Variants in COL23A1 observed in about 807,000 individuals in gnomAD.
COL23A1 encodes the protein collagen type XXIII alpha 1 chain.
In COL23A1, 97 loss-of-function variants were observed where a neutral mutation model predicts 99.3. That is an observed-to-expected ratio of 0.98 (90% confidence interval 0.83 to 1.16). COL23A1 has a LOEUF of 1.16. Among genes scored for constraint, COL23A1 ranks in the 50% most tolerant of loss-of-function variants. The pLI is 0.00. For missense variants in COL23A1, 762 were observed against 757.4 expected (o/e 1.01, Z -0.07); for synonymous variants, 320 against 308.2 (o/e 1.04, Z -0.40).
chr5:178,546,138 C>A (rs931640118), intron 2 of COL23A1, among the ~76,000 whole-genome samples: 2 of 152,056 alleles, frequency 1.3e-5, no homozygotes, highest in African/African-American at 4.8e-5. Flanking sequence ...AGGGTCCCCA[C>A]CTGGCCAGTA....
At chr5:178,268,699 C>T in intron 7 of COL23A1, 31 bp downstream of exon 7, 2 of 1,591,352 alleles carry the variant, frequency 1.3e-6, no homozygotes, top group Non-Finnish European at 1.7e-6. Context: ...CGCCTGCCTA[C>T]CACATCTGCA....
chr5:178,300,247 T>A (rs1757960067), intron 3 of COL23A1, among the ~76,000 whole-genome samples: 2 of 151,118 alleles, frequency 1.3e-5, no homozygotes, highest in Non-Finnish European at 2.9e-5. Context: ...TTTTTTGTAT[T>A]TTTTTTTTTC....
At chr5:178,289,637 C>T (rs1179527027) in intron 4 of COL23A1, among the ~76,000 whole-genome samples, 1 of 152,216 alleles carries the variant, frequency 6.6e-6, no homozygotes, top group Non-Finnish European at 1.5e-5. Flanking sequence ...AACTGCCCGA[C>T]TCTACAGCTC....
chr5:178,575,726 A>G (rs180871104), intron 1 of COL23A1, among the ~76,000 whole-genome samples: 1 of 152,186 alleles, frequency 6.6e-6, no homozygotes, highest in Non-Finnish European at 1.5e-5. Context: ...GAGAGCAGAA[A>G]CAGAACGCAG....
chr5:178,438,498 T>C (rs1766685287), intron 2 of COL23A1, among the ~76,000 whole-genome samples: 1 of 152,210 alleles, frequency 6.6e-6, no homozygotes, highest in African/African-American at 2.4e-5. Flanking sequence ...GACTGGTGTT[T>C]ATGTATCATA....
At chr5:178,578,582 C>A (rs189670093) in intron 1 of COL23A1, among the ~76,000 whole-genome samples, 7 of 152,296 alleles carry the variant, frequency 4.6e-5, no homozygotes, top group Admixed American at 4.6e-4. Flanking sequence ...TTGCTTTATG[C>A]CTTGTTTCAC....
chr5:178,549,007 T>C (rs1761864317), intron 2 of COL23A1, among the ~76,000 whole-genome samples: 2 of 152,164 alleles, frequency 1.3e-5, no homozygotes, highest in Non-Finnish European at 1.5e-5. Flanking sequence ...AATACTTCTT[T>C]TTTTTTGAGA....
chr5:178,409,316 C>T (rs1764943038), intron 2 of COL23A1, among the ~76,000 whole-genome samples: 1 of 152,194 alleles, frequency 6.6e-6, no homozygotes, highest in Admixed American at 6.5e-5. Flanking sequence ...TCTTCGAATG[C>T]CACACATGGT....
chr5:178,516,497 C>T (rs1415410825), intron 2 of COL23A1, among the ~76,000 whole-genome samples: 3 of 152,196 alleles, frequency 2.0e-5, no homozygotes, highest in Non-Finnish European at 4.4e-5. Flanking sequence ...CCCTCCTCTC[C>T]GGCATTCCCT....
At chr5:178,389,665 A>AG (rs1390119096) in intron 2 of COL23A1, among the ~76,000 whole-genome samples, 4 of 152,140 alleles carry the variant, frequency 2.6e-5, no homozygotes, top group Non-Finnish European at 4.4e-5. Flanking sequence ...CCATGTGTAG[A>AG]GTTAAGTGCC....
intron 2 of COL23A1, among the ~76,000 whole-genome samples, chr5:178,330,771 G>A (rs1273989534): frequency 1.3e-5 from 2 of 152,124 alleles, no homozygotes; most frequent in Non-Finnish European, 2.9e-5. Context: ...GAACCACTAG[G>A]ACCTCCTCTC....
intron 2 of COL23A1, among the ~76,000 whole-genome samples, chr5:178,560,261 G>C (rs1017559466): frequency 6.6e-6 from 1 of 152,148 alleles, no homozygotes; most frequent in East Asian, 1.9e-4. Flanking sequence ...AAACAAGAAG[G>C]CTACGTCCAC....
At position 178,590,281 on chromosome 5, in the gene COL23A1, C is replaced by T; in HGVS notation, c.-84G>A. On this transcript the variant is annotated 5_prime_UTR_variant, in exon 1 of 29. Coordinates refer to ENST00000390654, the MANE Select transcript of COL23A1 (RefSeq NM_173465.4). The surrounding 1 kb of genome is among the most constrained non-coding windows in gnomAD (Gnocchi z 5.7). ...GTGCGAGAGGAGCAGGCGGGACAGC[C>T]CGAGGCACGAGGTCCGCCGGGCGCG... The T allele has an allele frequency of 8.8e-7, 1 of 1,137,082 alleles. No individual in the cohort carries two copies. The highest frequency in any genetic ancestry group is 1.1e-6 in the Non-Finnish European group (1 of 919,918). The allele number at this position is 1,137,082 out of a possible 1,614,324, so 70.4% of individuals were successfully genotyped here.
chr5:178,294,275 A>AGTGCCCCACACCTG, intron 3 of COL23A1, among the ~76,000 whole-genome samples: 1 of 143,144 alleles, frequency 7.0e-6, no homozygotes, highest in African/African-American at 2.6e-5. Context: ...CTCCCTCCCC[A>AGTGCCCCACACCTG]AATCACTACC....
intron 2 of COL23A1, among the ~76,000 whole-genome samples, chr5:178,503,907 G>T (rs1758718514): frequency 6.6e-6 from 1 of 152,238 alleles, no homozygotes; most frequent in Non-Finnish European, 1.5e-5. Context: ...GTCCGGAGGG[G>T]AGGGTGCGGG....
chr5:178,514,498 G>A (rs781606187), intron 2 of COL23A1, among the ~76,000 whole-genome samples: 2 of 152,190 alleles, frequency 1.3e-5, no homozygotes, highest in Non-Finnish European at 2.9e-5. Context: ...GTCTTCCATA[G>A]TGGCTGCTCC....
At chr5:178,275,816 A>G (rs1201546925) in intron 5 of COL23A1, among the ~76,000 whole-genome samples, 1 of 152,042 alleles carries the variant, frequency 6.6e-6, no homozygotes, top group Non-Finnish European at 1.5e-5. Context: ...CATCCTGCTG[A>G]TTTCAGCCCC....
At chr5:178,345,509 A>C (rs1464437769) in intron 2 of COL23A1, among the ~76,000 whole-genome samples, 2 of 148,112 alleles carry the variant, frequency 1.4e-5, no homozygotes, top group African/African-American at 2.5e-5. Context: ...CTATTTTCGT[A>C]TTTGCTGACA....
At chr5:178,363,714 G>A (rs537626877) in intron 2 of COL23A1, among the ~76,000 whole-genome samples, 25 of 152,352 alleles carry the variant, frequency 1.6e-4, no homozygotes, top group Admixed American at 5.9e-4. Context: ...TGTGGGTGTC[G>A]GCTGCAGGTC....
Sources: gnomAD v4.1 joint callset for allele counts (sites outside exome capture counted in the v4.1 genomes callset) on GRCh38, gnomAD v4.1.1 for gene constraint, Gnocchi (gnomAD v3.1) non-coding constraint, MANE v1.5 for transcripts, NCBI Gene and HGNC (gene_info 2026-07-23, HGNC 2026-07-21) for gene names.